Variants in PLD5 observed in about 807,000 individuals in gnomAD.
PLD5 encodes inactive phospholipase D5.
PLD5 carries 36 observed loss-of-function variants against 61.1 expected under a neutral mutation model. The observed-to-expected ratio is 0.59, with a 90% CI of 0.45 to 0.78. PLD5 has a LOEUF of 0.78. PLD5 is among the 30% of genes least tolerant of loss of function. The pLI is 0.00. For synonymous variants in PLD5, 243 were observed against 242.8 expected (o/e 1.00, Z -0.01); for missense variants, 515 against 644.4 (o/e 0.80, Z 2.17).
chr1:242,516,250 TTATATATATATATATA>T (rs57043354), intron 1 of PLD5, among the ~76,000 whole-genome samples: 1 of 138,626 alleles, frequency 7.2e-6, no homozygotes, highest in Non-Finnish European at 1.5e-5. Flanking sequence ...TAAAGTTAAA[TTATATATATATATATA>T]TATATATATA....
At chr1:242,440,725 G>T (rs1666233600) in intron 1 of PLD5, among the ~76,000 whole-genome samples, 1 of 152,126 alleles carries the variant, frequency 6.6e-6, no homozygotes, top group Non-Finnish European at 1.5e-5. Flanking sequence ...TCCTCTTCCA[G>T]CCTTCTTAAC....
At chr1:242,290,821 C>T (rs1042653596) in intron 2 of PLD5, among the ~76,000 whole-genome samples, 6 of 150,968 alleles carry the variant, frequency 4.0e-5, no homozygotes, top group African/African-American at 1.5e-4. Flanking sequence ...TGTATAACCC[C>T]CTCCAGTGGT....
intron 3 of PLD5, among the ~76,000 whole-genome samples, chr1:242,272,077 T>C (rs1674122925): frequency 6.6e-6 from 1 of 151,992 alleles, no homozygotes; most frequent in South Asian, 2.1e-4. Flanking sequence ...AAAAAACAGG[T>C]TGAGAAATGC....
intron 2 of PLD5, among the ~76,000 whole-genome samples, chr1:242,325,264 T>C (rs1034713348): frequency 1.3e-5 from 2 of 151,946 alleles, no homozygotes; most frequent in African/African-American, 4.8e-5. Flanking sequence ...AAAATAACTA[T>C]TTATACACCA....
intron 5 of PLD5, among the ~76,000 whole-genome samples, chr1:242,148,278 C>A (rs972986284): frequency 1.1e-5 from 1 of 94,798 alleles, no homozygotes; most frequent in Non-Finnish European, 2.6e-5. Context: ...ATCGGCTTTG[C>A]ACCTTTGTTA....
intron 2 of PLD5, among the ~76,000 whole-genome samples, chr1:242,336,728 A>G (rs1015285963): frequency 2.6e-5 from 4 of 152,000 alleles, no homozygotes; most frequent in African/African-American, 9.7e-5. Context: ...TATCATCTGT[A>G]TATATTAGTT....
rs144774374 is a variant in PLD5, at chr1:242,325,774, C to A, written c.326+22332G>T. On this transcript the variant is annotated intron_variant, in intron 2 of 9. Transcript: ENST00000536534. ...GCAGAAGACATCCACAGACCTACAC[C>A]TTCCCTGCCATCCCAAAGCTCTCAG... is the stretch of plus-strand genomic sequence containing the variant. Among the ~76,000 whole-genome samples the A allele has an allele frequency of 2.6e-3, 400 of 152,296 alleles. 1 individual carries two copies. Among genetic ancestry groups the A allele is most frequent in the African/African-American group, 8.2e-3 (339 of 41,572 alleles).
intron 2 of PLD5, among the ~76,000 whole-genome samples, chr1:242,320,137 C>T (rs1233728703): frequency 7.9e-5 from 12 of 152,318 alleles, no homozygotes; most frequent in Middle Eastern, 3.4e-3. Flanking sequence ...TGATTTACAA[C>T]ACACATACAC....
At chr1:242,248,481 C>CA (rs55896046) in intron 4 of PLD5, among the ~76,000 whole-genome samples, 3 of 149,834 alleles carry the variant, frequency 2.0e-5, no homozygotes, top group East Asian at 2.0e-4. Context: ...AATACCACAC[C>CA]AAAAAAAAAA....
chr1:242,107,727 A>T lies in PLD5; in HGVS notation c.1183T>A (p.Phe395Ile). ...WKETDPLTFN[F>I]ISSLKAICTE... The stretch of plus-strand genomic sequence containing the variant: ...CAAATCGCTTTAAGAGATGAAATAA[A>T]GTTAAACGTAAGGGGATCAGTTTCC... The change falls in exon 8 of 10, where the codon TTT becomes ATT. Residue 395 changes from phenylalanine (F) to isoleucine (I), a missense_variant. Transcript: ENST00000536534. 1 of 1,609,362 alleles carries T rather than the reference A, an allele frequency of 6.2e-7. No homozygotes were observed.
rs1166673326 is a variant in PLD5 at position 242,524,627 on chromosome 1, G to A, written c.-351C>T. On this transcript the variant is annotated 5_prime_UTR_variant, in exon 1 of 10. Transcript: ENST00000536534. Reference sequence around the variant, plus strand: ...CCGGGGAGACAGAAGTGCCCGGTGCGGCGGCGACGTCGCCCGGCGGCTGCG... The same window carrying A: ...CCGGGGAGACAGAAGTGCCCGGTGCAGCGGCGACGTCGCCCGGCGGCTGCG... 1 of 189,538 alleles carries A rather than the reference G, an allele frequency of 5.3e-6. No homozygotes were observed. The highest frequency in any genetic ancestry group is 1.1e-5 in the Non-Finnish European group (1 of 92,524). 11.7% of individuals were successfully genotyped at this position (189,538 alleles called of 1,614,324 possible).
intron 1 of PLD5, among the ~76,000 whole-genome samples, chr1:242,435,757 T>C (rs2102897496): frequency 6.6e-6 from 1 of 152,338 alleles, no homozygotes. Flanking sequence ...AGTGACTTTA[T>C]GGAATGTAAC....
At chr1:242,404,832 A>T (rs1664135780) in intron 1 of PLD5, among the ~76,000 whole-genome samples, 1 of 147,944 alleles carries the variant, frequency 6.8e-6, no homozygotes, top group Admixed American at 6.8e-5. Context: ...TGATTATTGC[A>T]ATTGCTCTAT....
At chr1:242,348,314 C>T in intron 1 of PLD5, 72 bp from the exon 2 acceptor site, 1 of 1,469,084 alleles carries the variant, frequency 6.8e-7, no homozygotes, top group South Asian at 1.3e-5. Context: ...GAAGTGACAA[C>T]TTCTCAACAT....
intron 2 of PLD5, among the ~76,000 whole-genome samples, chr1:242,334,066 C>A (rs1574752011): frequency 6.6e-6 from 1 of 152,190 alleles, no homozygotes; most frequent in East Asian, 1.9e-4. Context: ...TTTTAGTTTC[C>A]TGAGGAACTT....
chr1:242,411,382 C>G (rs1364581043), intron 1 of PLD5, among the ~76,000 whole-genome samples: 2 of 152,102 alleles, frequency 1.3e-5, no homozygotes, highest in Admixed American at 1.3e-4. Flanking sequence ...ACTACAGGCG[C>G]CCGCCACCAC....
At chr1:242,097,503 A>C (rs1382659796) in intron 9 of PLD5, among the ~76,000 whole-genome samples, 2 of 152,186 alleles carry the variant, frequency 1.3e-5, no homozygotes, top group African/African-American at 4.8e-5. Context: ...ATGGCCAGTG[A>C]GGATGAGCAT....
rs565140302 is a variant in PLD5 at position 242,303,862 on chromosome 1, T to C, written c.327-15332A>G. ...GTGCTTTTCCACGAGAGGGCGATTA[T>C]ATGTGATTTTTCCCTTTCCTCTAGT... On this transcript the variant is annotated intron_variant, in intron 2 of 9. Coordinates refer to ENST00000536534, the MANE Select transcript of PLD5 (RefSeq NM_001372062.1). Among the ~76,000 whole-genome samples, 88 of 152,356 alleles carry C rather than the reference T, an allele frequency of 5.8e-4. 2 individuals are homozygous for C. The South Asian group carries it at 0.018, about 30-fold the overall frequency.
Position 242,296,077 on chromosome 1 carries a change from G to A in PLD5, c.327-7547C>T, listed in dbSNP as rs192555035. ...GTTCCCGCTTCTGAGCAGAAAAAAGGTTATTACAAAGATTAACGGAGGGAA... is the reference window on the plus strand; with the variant it reads ...GTTCCCGCTTCTGAGCAGAAAAAAGATTATTACAAAGATTAACGGAGGGAA... On this transcript the variant is annotated intron_variant, in intron 2 of 9. Transcript: ENST00000536534. Among the ~76,000 whole-genome samples the A allele has an allele frequency of 5.9e-5, 9 of 152,262 alleles. 1 individual carries two copies. The South Asian group carries it at 1.9e-3, about 32-fold the overall frequency.
Sources: gnomAD v4.1 joint callset for allele counts (sites outside exome capture counted in the v4.1 genomes callset) on GRCh38, gnomAD v4.1.1 for gene constraint, MANE v1.5 for transcripts, NCBI Gene and HGNC (gene_info 2026-07-23, HGNC 2026-07-21) for gene names.